TMEM178A: variants seen among roughly 807,000 people sequenced by gnomAD.
The protein encoded by TMEM178A is transmembrane protein 178A.
In TMEM178A, 12 loss-of-function variants were observed where a neutral mutation model predicts 29.1. That is an observed-to-expected ratio of 0.41 (90% CI 0.26 to 0.67). The LOEUF (loss-of-function observed/expected upper bound fraction) is 0.67, where lower values mean the gene tolerates loss of function less well. TMEM178A is among the 30% of genes least tolerant of loss of function. TMEM178A has a pLI of 0.29. For synonymous variants in TMEM178A, 210 were observed against 187.2 expected, an observed-to-expected ratio of 1.12 and a Z score of -0.99; for missense variants, 366 against 419.1, an observed-to-expected ratio of 0.87 and a Z score of 1.11.
the TMEM178A span, among the ~76,000 whole-genome samples, chr2:39,732,966 T>C: frequency 2.6e-5 from 4 of 152,158 alleles, no homozygotes; most frequent in African/African-American, 9.7e-5. Flanking sequence ...GGTATTGCCT[T>C]TGTTTATTTC....
downstream of TMEM178A, among the ~76,000 whole-genome samples, chr2:39,718,167 C>T (rs1051519584): frequency 6.8e-6 from 1 of 146,916 alleles, no homozygotes; most frequent in Non-Finnish European, 1.5e-5. Flanking sequence ...TGTTTTTAAA[C>T]CTTCCTATAC....
At chr2:39,727,768 C>G in the TMEM178A span, among the ~76,000 whole-genome samples, 1 of 149,940 alleles carries the variant, frequency 6.7e-6, no homozygotes, top group East Asian at 2.0e-4. Context: ...ACCCTGTGTC[C>G]AAGTGATCTA....
chr2:39,706,576 C>T (rs1672045214), intron 2 of TMEM178A, among the ~76,000 whole-genome samples: 1 of 152,166 alleles, frequency 6.6e-6, no homozygotes, highest in African/African-American at 2.4e-5. Flanking sequence ...GGCTCTTTCT[C>T]CAAAGCTAGA....
At chr2:39,680,714 A>G (rs975904992) in intron 1 of TMEM178A, among the ~76,000 whole-genome samples, 1 of 152,146 alleles carries the variant, frequency 6.6e-6, no homozygotes, top group African/African-American at 2.4e-5. Context: ...AATTTCTTTG[A>G]AGAAGTTTTG....
chr2:39,735,901 C>T, the TMEM178A span, among the ~76,000 whole-genome samples: 1 of 152,212 alleles, frequency 6.6e-6, no homozygotes. Context: ...GGTTTCCACA[C>T]CCTGGCTGGA....
At chr2:39,735,211 C>T in the TMEM178A span, among the ~76,000 whole-genome samples, 1 of 152,194 alleles carries the variant, frequency 6.6e-6, no homozygotes, top group African/African-American at 2.4e-5. Context: ...AACCTAATCT[C>T]TCATCCTTTA....
chr2:39,713,178 A>G (rs988285), intron 3 of TMEM178A, among the ~76,000 whole-genome samples: 6,976 of 152,242 alleles, frequency 0.046, 518 homozygotes, highest in African/African-American at 0.16. Context: ...ACTGAGTCCA[A>G]TTGTGACCAA....
intron 1 of TMEM178A, among the ~76,000 whole-genome samples, chr2:39,679,423 T>A (rs939399716): frequency 6.6e-6 from 1 of 152,100 alleles, no homozygotes; most frequent in East Asian, 1.9e-4. Flanking sequence ...TAGTGGTAGA[T>A]GGGTAAAATG....
chr2:39,677,154 G>T (rs554286621), intron 1 of TMEM178A, among the ~76,000 whole-genome samples: 2 of 152,122 alleles, frequency 1.3e-5, no homozygotes, highest in South Asian at 4.2e-4. Flanking sequence ...CCTCACTCTC[G>T]TCCCCATTCC....
Position 39,666,175 on chromosome 2 carries a change from G to C in TMEM178A, c.201G>C (p.Leu67=), listed in dbSNP as rs1165307259. The C allele has an allele frequency of 4.7e-6, 7 of 1,478,450 alleles. No homozygotes were observed. The African/African-American group carries it at 1.0e-4, about 22-fold the overall frequency. 91.6% of individuals were successfully genotyped at this position (1,478,450 alleles called of 1,614,324 possible). ...TGATGCCGCTGTCGCACCTGCCGCT[G>C]CGGGACTCGCCCCCGCTGGGGCGCC... The part of the protein sequence containing the change: ...NRLMPLSHLP[L]RDSPPLGRRL... The change falls in exon 1 of 4, where the codon CTG becomes CTC. Residue 67 remains leucine, a synonymous_variant. Coordinates refer to ENST00000281961, the MANE Select transcript of TMEM178A (RefSeq NM_152390.3).
At chr2:39,696,652 CATT>C (rs886885269) in intron 1 of TMEM178A, among the ~76,000 whole-genome samples, 10 of 152,178 alleles carry the variant, frequency 6.6e-5, no homozygotes, top group Admixed American at 3.3e-4. Flanking sequence ...CTGCCCGCCT[CATT>C]ATTGATTGAT....
At chr2:39,732,919 G>A in the TMEM178A span, among the ~76,000 whole-genome samples, 1 of 152,312 alleles carries the variant, frequency 6.6e-6, no homozygotes, top group South Asian at 2.1e-4. Context: ...GCCTTTCTTA[G>A]TGTTGGCACT....
intron 2 of TMEM178A, among the ~76,000 whole-genome samples, chr2:39,704,544 T>C (rs1671940743): frequency 6.6e-6 from 1 of 152,170 alleles, no homozygotes; most frequent in Non-Finnish European, 1.5e-5. Context: ...GGGGCTCTTA[T>C]TTTTGTTTTG....
At chr2:39,685,558 C>G (rs2148072004) in intron 1 of TMEM178A, among the ~76,000 whole-genome samples, 1 of 152,270 alleles carries the variant, frequency 6.6e-6, no homozygotes, top group Non-Finnish European at 1.5e-5. Context: ...GTGAAAATTA[C>G]AAGGTCTAAT....
intron 1 of TMEM178A, among the ~76,000 whole-genome samples, chr2:39,676,552 C>A (rs1046009082): frequency 6.6e-6 from 1 of 152,196 alleles, no homozygotes; most frequent in African/African-American, 2.4e-5. Flanking sequence ...GTCACGTGAC[C>A]ATTCTTAAAG....
intron 1 of TMEM178A, among the ~76,000 whole-genome samples, chr2:39,666,711 T>C (rs1670180376): frequency 6.6e-6 from 1 of 152,208 alleles, no homozygotes; most frequent in African/African-American, 2.4e-5. Context: ...TTTGTACACC[T>C]GCCTGACATG....
intron 3 of TMEM178A, among the ~76,000 whole-genome samples, chr2:39,714,239 G>A (rs1672435582): frequency 6.6e-6 from 1 of 152,098 alleles, no homozygotes; most frequent in Non-Finnish European, 1.5e-5. Flanking sequence ...GGGGGATGGA[G>A]AGAGGGGATG....
chr2:39,728,109 C>G, the TMEM178A span, among the ~76,000 whole-genome samples: 1 of 152,262 alleles, frequency 6.6e-6, no homozygotes, highest in East Asian at 1.9e-4. Context: ...AATGGTAATT[C>G]TAGTTCTAGA....
downstream of TMEM178A, among the ~76,000 whole-genome samples, chr2:39,720,808 T>C (rs115950792): frequency 8.8e-3 from 1,337 of 152,306 alleles, 22 homozygotes; most frequent in African/African-American, 0.031. Flanking sequence ...ATAAAAAATG[T>C]ACAGTCGTGT....
Sources: gnomAD v4.1 joint callset for allele counts (sites outside exome capture counted in the v4.1 genomes callset) on GRCh38, gnomAD v4.1.1 for gene constraint, MANE v1.5 for transcripts, NCBI Gene and HGNC (gene_info 2026-07-23, HGNC 2026-07-21) for gene names.